Variants in FZD3 observed in about 807,000 individuals in gnomAD.
The protein encoded by FZD3 is frizzled class receptor 3.
FZD3 carries 30 observed loss-of-function variants against 60.7 expected under a neutral mutation model. The ratio of observed to expected loss-of-function variants is 0.49; its 90% CI spans 0.37 to 0.67. FZD3 has a LOEUF of 0.67. Among genes scored for constraint, FZD3 ranks in the 30% least tolerant of loss-of-function variants. The pLI, the probability that FZD3 is intolerant of heterozygous loss-of-function variation, is 0.00. For missense variants in FZD3, 605 were observed against 838.7 expected, an observed-to-expected ratio of 0.72 and a Z score of 3.44; for synonymous variants, 246 against 275.2, an observed-to-expected ratio of 0.89 and a Z score of 1.05.
rs2130478884 is a variant in FZD3 at position 28,563,020 on chromosome 8, G to A, written c.*9G>A. The A allele has an allele frequency of 1.3e-6, 2 of 1,582,986 alleles. No individual in the cohort carries two copies. The highest frequency in any genetic ancestry group is 1.7e-6 in the Non-Finnish European group (2 of 1,151,700). On this transcript the variant is annotated 3_prime_UTR_variant, in exon 8 of 8. Transcript: ENST00000240093. ...ATGGAACCAGTGCTTAATTTGTCTT[G>A]TCTAAGGTGGAAATCTTGTGCTGTT...
intron 5 of FZD3, among the ~76,000 whole-genome samples, chr8:28,545,715 A>C (rs910195382): frequency 6.6e-6 from 1 of 152,186 alleles, no homozygotes; most frequent in African/African-American, 2.4e-5. Context: ...AGAGATAATA[A>C]ATTCTTGCTT....
chr8:28,522,494 C>T (rs1804608317), intron 4 of FZD3, among the ~76,000 whole-genome samples: 1 of 152,174 alleles, frequency 6.6e-6, no homozygotes, highest in Non-Finnish European at 1.5e-5. Flanking sequence ...TGTCTCCAGA[C>T]ACCTGGAAGT....
chr8:28,524,786 C>A (rs1804672955), intron 4 of FZD3, among the ~76,000 whole-genome samples: 1 of 152,166 alleles, frequency 6.6e-6, no homozygotes, highest in African/African-American at 2.4e-5. Context: ...CTGCATATAT[C>A]CAGCAGCTGT....
At chr8:28,556,863 G>A (rs1032519822) in intron 7 of FZD3, among the ~76,000 whole-genome samples, 2 of 152,182 alleles carry the variant, frequency 1.3e-5, no homozygotes, top group Middle Eastern at 3.2e-3. Context: ...GAGGGGGTTG[G>A]TTTCACAGAG....
rs763368984 is a variant in FZD3, at chr8:28,556,064, G to C, written c.1787+93G>C. The C allele has an allele frequency of 8.6e-4, 711 of 823,032 alleles. 6 individuals are homozygous for C. The highest frequency in any genetic ancestry group is 2.7e-4 in the Non-Finnish European group (135 of 505,312). 51.0% of individuals were successfully genotyped at this position (823,032 alleles called of 1,614,324 possible). A position where few individuals can be genotyped will look rare whatever the true frequency, so the allele number is the denominator to read the frequency against. ...AGCAGCCAATTCTGAAATAGAAGTCGAACATAATTAAGCCTTTGAACTTTG... is the reference window on the plus strand; with the variant it reads ...AGCAGCCAATTCTGAAATAGAAGTCCAACATAATTAAGCCTTTGAACTTTG... On this transcript the variant is annotated intron_variant, in intron 7 of 7. Coordinates refer to ENST00000240093, the MANE Select transcript of FZD3 (RefSeq NM_017412.4).
intron 5 of FZD3, among the ~76,000 whole-genome samples, chr8:28,548,413 G>A (rs1563403061): frequency 6.6e-6 from 1 of 152,166 alleles, no homozygotes; most frequent in Non-Finnish European, 1.5e-5. Context: ...CGAACCACCT[G>A]CCTCAGCCTC....
At chr8:28,547,764 A>G (rs1805327411) in intron 5 of FZD3, among the ~76,000 whole-genome samples, 1 of 152,016 alleles carries the variant, frequency 6.6e-6, no homozygotes, top group Admixed American at 6.5e-5. Context: ...AATTTGCAAC[A>G]ATTTTATATC....
At chr8:28,556,484 A>G (rs543420813) in intron 7 of FZD3, among the ~76,000 whole-genome samples, 9 of 152,344 alleles carry the variant, frequency 5.9e-5, no homozygotes, top group African/African-American at 1.9e-4. Flanking sequence ...TAGCATACCT[A>G]ATTCCTTGGA....
Position 28,520,997 on chromosome 8 carries a change from A to C in FZD3, c.386+163A>C, listed in dbSNP as rs535830215. On this transcript the variant is annotated intron_variant, in intron 4 of 7. Coordinates refer to ENST00000240093, the MANE Select transcript of FZD3 (RefSeq NM_017412.4). ...CCTCACAATTGTTTATTTGCTTAGA[A>C]ATTTGGAAGCACTAAATGAAAAAGA... Among the ~76,000 whole-genome samples, 6 of 152,316 alleles carry C rather than the reference A, an allele frequency of 3.9e-5. No individual in the cohort carries two copies. In the South Asian group the frequency reaches 1.2e-3, roughly 32 times the overall value.
chr8:28,557,495 T>C (rs532695675), intron 7 of FZD3, among the ~76,000 whole-genome samples: 18 of 152,212 alleles, frequency 1.2e-4, no homozygotes, highest in Non-Finnish European at 2.5e-4. Context: ...ATCTTCTGTC[T>C]GTTTCCTCTC....
In FZD3 at chr8:28,555,942, C is replaced by A. The variant is rs762870221; in HGVS notation, c.1758C>A (p.His586Gln). ...TCCACAGCAAAGTGAGCAGCTACCA[C>A]GGCAGCCTCCACAGATCACGTGATG... ...GSIHSKVSSY[H>Q]GSLHRSRDGR... The change falls in exon 7 of 8, where the codon CAC (histidine) becomes CAA (glutamine). Residue 586 changes from histidine to glutamine, a missense_variant. Coordinates refer to ENST00000240093, the MANE Select transcript of FZD3 (RefSeq NM_017412.4). 5.0e-6 allele frequency: 8 copies of A among 1,612,728 alleles called. No individual in the cohort carries two copies. Among genetic ancestry groups the A allele is most frequent in the Non-Finnish European group, 6.8e-6 (8 of 1,178,802 alleles).
At chr8:28,507,546 CA>C (rs1028662611) in intron 3 of FZD3, among the ~76,000 whole-genome samples, 2 of 152,134 alleles carry the variant, frequency 1.3e-5, no homozygotes, top group African/African-American at 4.8e-5. Context: ...TAGGGGTTTG[CA>C]AAATGGTGAT....
intron 2 of FZD3, among the ~76,000 whole-genome samples, chr8:28,500,910 G>A (rs767175118): frequency 6.6e-6 from 1 of 152,082 alleles, no homozygotes; most frequent in Non-Finnish European, 1.5e-5. Context: ...ACAGGCGCCT[G>A]CCACCACGCC....
chr8:28,518,976 G>A (rs149437603), intron 3 of FZD3, among the ~76,000 whole-genome samples: 72 of 152,262 alleles, frequency 4.7e-4, no homozygotes, highest in Middle Eastern at 3.4e-3. Context: ...GTTCTTGATG[G>A]AAACATTGGT....
In FZD3 at chr8:28,527,435, G is replaced by T. The variant is rs1415101888; in HGVS notation, c.675G>T (p.Leu225Phe). Residue 225 changes from leucine to phenylalanine, a missense_variant, in exon 5 of 8, where the codon TTG (leucine) becomes TTT (phenylalanine). Transcript: ENST00000240093. The surrounding 1 kb of genome is among the most constrained non-coding windows in gnomAD (Gnocchi z 5.0). ...CATTGTTTACTTTTTTAACTTTTTT[G>T]ATTGATGTCACAAGATTCCGTTATC... ...SATLFTFLTF[L>F]IDVTRFRYPE... 1 of 1,613,594 alleles carries T rather than the reference G, an allele frequency of 6.2e-7. No individual in the cohort carries two copies. The highest frequency in any genetic ancestry group is 1.7e-5 in the Admixed American group (1 of 59,970).
At chr8:28,552,487 A>G (rs1381475195) in intron 6 of FZD3, among the ~76,000 whole-genome samples, 1 of 152,200 alleles carries the variant, frequency 6.6e-6, no homozygotes, top group African/African-American at 2.4e-5. Flanking sequence ...AATGATTTCA[A>G]ACTCTACTCA....
At chr8:28,544,130 T>C (rs1330322060) in intron 5 of FZD3, among the ~76,000 whole-genome samples, 2 of 152,074 alleles carry the variant, frequency 1.3e-5, no homozygotes, top group Non-Finnish European at 2.9e-5. Flanking sequence ...TAATATCTTC[T>C]GGGATAGTAG....
intron 5 of FZD3, among the ~76,000 whole-genome samples, chr8:28,538,137 A>C (rs926314969): frequency 2.7e-5 from 4 of 150,528 alleles, no homozygotes; most frequent in Admixed American, 2.0e-4. Flanking sequence ...TAATAATAAT[A>C]ATAATAATAA....
In FZD3 at chr8:28,566,469, C is replaced by G. The variant is rs1805707819; in HGVS notation, c.*3458C>G. 1 of 152,080 alleles carries G rather than the reference C, an allele frequency of 6.6e-6. No individual in the cohort carries two copies. Among genetic ancestry groups the G allele is most frequent in the Non-Finnish European group, 1.5e-5 (1 of 67,990 alleles). 9.4% of individuals were successfully genotyped at this position (152,080 alleles called of 1,614,324 possible). On this transcript the variant is annotated 3_prime_UTR_variant, in exon 8 of 8. Coordinates refer to ENST00000240093, the MANE Select transcript of FZD3 (RefSeq NM_017412.4). ...AATCAACCTTTCTTTTTCTGCTGCTCTTAGAGCAGATTTATAAAAATCCTA... is the reference window on the plus strand; with the variant it reads ...AATCAACCTTTCTTTTTCTGCTGCTGTTAGAGCAGATTTATAAAAATCCTA...
Sources: allele counts gnomAD v4.1 joint callset (sites outside exome capture counted in the v4.1 genomes callset), GRCh38; gene constraint gnomAD v4.1.1; non-coding constraint Gnocchi (gnomAD v3.1); transcripts MANE v1.5; gene names NCBI Gene and HGNC (gene_info 2026-07-23, HGNC 2026-07-21).